The following BANF2 variants were observed in gnomAD, a reference collection of about 807,000 sequenced individuals.
The protein encoded by BANF2 is BANF family member 2.
In BANF2, 4 loss-of-function variants were observed where a neutral mutation model predicts 8.0. The ratio of observed to expected loss-of-function variants is 0.50; its 90% CI spans 0.25 to 1.14. The LOEUF is 1.14. BANF2 is among the 50% of genes most tolerant of loss of function. The pLI, the probability that BANF2 is intolerant of heterozygous loss-of-function variation, is 0.16. For missense variants in BANF2, 96 were observed against 107.5 expected (o/e 0.89, Z 0.47); for synonymous variants, 50 against 40.6 (o/e 1.23, Z -0.88).
chr20:17,728,499 C>T (rs2037843947), intron 3 of BANF2, among the ~76,000 whole-genome samples: 2 of 152,188 alleles, frequency 1.3e-5, no homozygotes, highest in South Asian at 2.1e-4. Context: ...CTCTTACCAG[C>T]CCCTACATTG....
chr20:17,693,733 G>C (rs753141969), intron 1 of BANF2: 1 of 1,551,206 alleles, frequency 6.4e-7, no homozygotes, highest in Non-Finnish European at 8.7e-7. Flanking sequence ...TGACTTCCTT[G>C]CTCACGGTGG....
intron 3 of BANF2, among the ~76,000 whole-genome samples, chr20:17,730,883 C>G (rs1015207013): frequency 3.3e-5 from 5 of 152,218 alleles, no homozygotes; most frequent in Admixed American, 2.6e-4. Context: ...GATCAAAATT[C>G]ACATTTCAGA....
chr20:17,723,056 T>C (rs1430853781), intron 2 of BANF2, among the ~76,000 whole-genome samples, 178 bp downstream of exon 2: 1 of 152,208 alleles, frequency 6.6e-6, no homozygotes, highest in Non-Finnish European at 1.5e-5. Context: ...CATGATCTGC[T>C]GGGGAATGTG....
At chr20:17,735,255 G>C (rs945994483) in intron 3 of BANF2, among the ~76,000 whole-genome samples, 1 of 152,172 alleles carries the variant, frequency 6.6e-6, no homozygotes, top group Non-Finnish European at 1.5e-5. Flanking sequence ...GGGAGCTTCA[G>C]GAGTGTGCTA....
In BANF2 at chr20:17,722,766, A is replaced by G; in HGVS notation, c.-116A>G. 4.1e-6 allele frequency: 4 copies of G among 984,724 alleles called. No individual in the cohort carries two copies. Among genetic ancestry groups the G allele is most frequent in the Admixed American group, 6.1e-5 (1 of 16,278 alleles). 61.0% of individuals were successfully genotyped at this position (984,724 alleles called of 1,614,324 possible). A position where few individuals can be genotyped will look rare whatever the true frequency, so the allele number is the denominator to read the frequency against. On this transcript the variant is annotated 5_prime_UTR_variant, in exon 2 of 4. Transcript: ENST00000246090. ...TTTCTTAGGAGCCCCCTGACTTCCA[A>G]AATCAGTGCCTTTGGATTCATCTCT...
intron 3 of BANF2, among the ~76,000 whole-genome samples, chr20:17,733,650 C>G (rs1051955694): frequency 2.0e-5 from 3 of 152,078 alleles, no homozygotes; most frequent in South Asian, 4.2e-4. Flanking sequence ...TCAGTAAAAT[C>G]CATTCAAAAT....
chr20:17,735,629 T>C, intron 3 of BANF2, 36 bp from the exon 4 acceptor site: 2 of 1,603,628 alleles, frequency 1.2e-6, no homozygotes, highest in Non-Finnish European at 1.7e-6. Flanking sequence ...TATGATAACC[T>C]TTCCTGCTTT....
chr20:17,717,256 G>T (rs897319763), intron 1 of BANF2, among the ~76,000 whole-genome samples: 2 of 152,050 alleles, frequency 1.3e-5, no homozygotes, highest in African/African-American at 4.8e-5. Flanking sequence ...CAACCCTGGG[G>T]TCATTCTCAC....
chr20:17,722,649 T>C, intron 1 of BANF2, 67 bp from the exon 2 acceptor site: 1 of 850,522 alleles, frequency 1.2e-6, no homozygotes, highest in South Asian at 5.4e-5. Flanking sequence ...CACACATCTG[T>C]GGATTTAAGA....
intron 1 of BANF2, among the ~76,000 whole-genome samples, chr20:17,713,568 T>C (rs1440391424): frequency 3.9e-5 from 6 of 152,086 alleles, no homozygotes; most frequent in African/African-American, 1.4e-4. Flanking sequence ...CAGTGGCTTA[T>C]GGCTGTAATA....
intron 1 of BANF2, among the ~76,000 whole-genome samples, chr20:17,706,146 G>A (rs1182729070): frequency 6.6e-6 from 1 of 152,258 alleles, no homozygotes; most frequent in Non-Finnish European, 1.5e-5. Flanking sequence ...CGGAGAGTCA[G>A]CACAGACAGA....
upstream of BANF2, among the ~76,000 whole-genome samples, chr20:17,696,205 A>G (rs2037345182): frequency 1.3e-5 from 2 of 152,080 alleles, no homozygotes; most frequent in East Asian, 1.9e-4. Flanking sequence ...GGGTCTTTCT[A>G]TATTGCCCAG....
In BANF2 at chr20:17,728,732, A is replaced by G. The variant is rs575136402; in HGVS notation, c.126+3581A>G. ...AAGCCTCTTCGGGAGCTTAAAAGCC[A>G]TATGTGATAGCCTTCTTCTGGGTGT... is the stretch of plus-strand genomic sequence containing the variant. On this transcript the variant is annotated intron_variant, in intron 3 of 3. Coordinates refer to ENST00000246090, the MANE Select transcript of BANF2 (RefSeq NM_178477.5). 4.6e-5 allele frequency among the ~76,000 whole-genome samples: 7 copies of G among 152,264 alleles called. No homozygotes were observed. The South Asian group carries it at 1.5e-3, about 32-fold the overall frequency.
At chr20:17,704,041 C>A (rs1263065823) in intron 1 of BANF2, among the ~76,000 whole-genome samples, 2 of 152,252 alleles carry the variant, frequency 1.3e-5, no homozygotes, top group African/African-American at 4.8e-5. Context: ...CTGTCCCCAG[C>A]TGGCTTCTGA....
intron 1 of BANF2, among the ~76,000 whole-genome samples, chr20:17,694,460 G>C (rs2037325376): frequency 6.6e-6 from 1 of 152,060 alleles, no homozygotes. Flanking sequence ...AAGCTGGTGA[G>C]GAAGTAGTGC....
chr20:17,701,474 A>G (rs894764623), intron 1 of BANF2, among the ~76,000 whole-genome samples: 1 of 152,158 alleles, frequency 6.6e-6, no homozygotes, highest in Non-Finnish European at 1.5e-5. Flanking sequence ...TATCCCCAAC[A>G]TTAGAGCTCT....
intron 2 of BANF2, among the ~76,000 whole-genome samples, chr20:17,724,733 A>G (rs1709745327): frequency 6.6e-6 from 1 of 152,250 alleles, no homozygotes; most frequent in South Asian, 2.1e-4. Flanking sequence ...GAAAGAACCC[A>G]CTGCAGTTCT....
upstream of BANF2, chr20:17,699,925 AG>A (rs1283721747): frequency 9.7e-6 from 9 of 929,926 alleles, no homozygotes; most frequent in South Asian, 4.0e-4. Context: ...ATCACAATGT[AG>A]TCCATTCAGG....
upstream of BANF2, among the ~76,000 whole-genome samples, chr20:17,699,529 A>T (rs2037380119): frequency 6.6e-6 from 1 of 152,202 alleles, no homozygotes. Flanking sequence ...AGTCACGGGT[A>T]TACTGGTAGA....
Sources: allele counts gnomAD v4.1 joint callset (sites outside exome capture counted in the v4.1 genomes callset), GRCh38; gene constraint gnomAD v4.1.1; transcripts MANE v1.5; gene names NCBI Gene and HGNC (gene_info 2026-07-23, HGNC 2026-07-21).